CBX6: variants seen among roughly 807,000 people sequenced by gnomAD.
CBX6 encodes chromobox 6.
Under a neutral mutation model 28.4 loss-of-function variants are expected in CBX6, and 7 were observed. That is an observed-to-expected ratio of 0.25 (90% CI 0.14 to 0.46). The LOEUF is 0.46. Ranked by LOEUF, CBX6 falls within the 20% of genes least tolerant of loss-of-function variation. The pLI is 0.99. For missense variants in CBX6, 512 were observed against 606.1 expected (o/e 0.84, Z 1.63); for synonymous variants, 297 against 273.4 (o/e 1.09, Z -0.85).
rs2093181610 is a variant in CBX6, at chr22:38,871,322, T to A, written c.246+158A>T. On this transcript the variant is annotated intron_variant, in intron 4 of 4. Transcript: ENST00000407418. The surrounding 1 kb of genome is among the most constrained non-coding windows in gnomAD (Gnocchi z 5.6). ...TGGCTGAGGCCTGCCATCAGGGGCT[T>A]CTGGGGGGGCTCACAACCACCCCCT... 2 of 690,506 alleles carry A rather than the reference T, an allele frequency of 2.9e-6. No homozygotes were observed. Among genetic ancestry groups the A allele is most frequent in the Admixed American group, 4.9e-5 (2 of 40,614 alleles). 42.8% of individuals were successfully genotyped at this position (690,506 alleles called of 1,614,324 possible).
rs2093171989 is a variant in CBX6 at position 38,866,983 on chromosome 22, C to T, written c.465G>A (p.Glu155=). 1.2e-6 allele frequency: 2 copies of T among 1,608,734 alleles called. No homozygotes were observed. The highest frequency in any genetic ancestry group is 2.7e-5 in the African/African-American group (2 of 74,788). Residue 155 remains glutamate (E), a synonymous_variant, in exon 5 of 5, where the codon GAG becomes GAA. Coordinates refer to ENST00000407418, the MANE Select transcript of CBX6 (RefSeq NM_014292.5). The surrounding 1 kb of genome is among the most constrained non-coding windows in gnomAD (Gnocchi z 7.5). ...CCTTGCGGTTGATGATGCGCACCGT[C>T]TCCGAGAAGGGCGAAATGGGCGGGC... ...GLRPPISPFS[E]TVRIINRKVK... is the part of the protein sequence containing the mutation.
rs1179255859 is a variant in CBX6 at position 38,872,071 on chromosome 22, G to C, written c.69+51C>G. On this transcript the variant is annotated intron_variant, in intron 1 of 4. Coordinates refer to ENST00000407418, the MANE Select transcript of CBX6 (RefSeq NM_014292.5). The surrounding 1 kb of genome is among the most constrained non-coding windows in gnomAD (Gnocchi z 5.0). ...GACCGCTTCGCCCCGAGGGCCCCCGGCCCCGGCCCCGGCTGCGGACAGCGG... is the reference window on the plus strand; with the variant it reads ...GACCGCTTCGCCCCGAGGGCCCCCGCCCCCGGCCCCGGCTGCGGACAGCGG... 13 of 1,292,312 alleles carry C rather than the reference G, an allele frequency of 1.0e-5. No individual in the cohort carries two copies. The highest frequency in any genetic ancestry group is 1.3e-5 in the Non-Finnish European group (13 of 1,010,754). 80.1% of individuals were successfully genotyped at this position (1,292,312 alleles called of 1,614,324 possible).
chr22:38,866,378 T>C lies in CBX6; in HGVS notation c.1070A>G (p.Asp357Gly). 1 of 1,613,358 alleles carries C rather than the reference T, an allele frequency of 6.2e-7. No homozygotes were observed. Among genetic ancestry groups the C allele is most frequent in the African/African-American group, 1.3e-5 (1 of 74,996 alleles). ...GCAGGGTGACATCTCGGGGCGCCAG[T>C]CCCCAGCCTCGGGCTCGGAGGAGGC... is the stretch of plus-strand genomic sequence containing the variant. ...AGASSEPEAG[D>G]WRPEMSPCSN... The change falls in exon 5 of 5, where the codon GAC (aspartate) becomes GGC (glycine). Residue 357 changes from aspartate (D) to glycine (G), a missense_variant. Around this residue, in one of 7 missense-constraint regions of CBX6, gnomAD observed 290 missense variants for 274.1 expected, o/e 1.06. Transcript: ENST00000407418. This position sits in a 1 kb window ranked among gnomAD's most constrained non-coding sequence, Gnocchi z 7.5.
chr22:38,866,786 C>G lies in CBX6; in HGVS notation c.662G>C (p.Arg221Pro), dbSNP rs1310524692. Residue 221 changes from arginine to proline, a missense_variant, in exon 5 of 5, where the codon CGT (arginine) becomes CCT (proline). By Grantham distance (103) the Arg-to-Pro change is moderately radical. This residue lies in a region of CBX6 where 290 missense variants were observed against 274.1 expected (regional missense o/e 1.06). Transcript: ENST00000407418. The surrounding 1 kb of genome is among the most constrained non-coding windows in gnomAD (Gnocchi z 7.5). ...GAACTTCATGTGGCGGATCTGTGTA[C>G]GCAGGACGCTCTCGCTGAACTTCTT... ...KSKKFSESVL[R>P]TQIRHMKFGA... 9.9e-6 allele frequency: 16 copies of G among 1,612,490 alleles called. No individual in the cohort carries two copies. Among genetic ancestry groups the G allele is most frequent in the Non-Finnish European group, 1.4e-5 (16 of 1,179,408 alleles).
In CBX6 at chr22:38,861,808, T is replaced by TA. The variant is rs2093157859; in HGVS notation, c.*4400dup. On this transcript the variant is annotated 3_prime_UTR_variant, in exon 5 of 5. Transcript: ENST00000407418. ...CTGGGAGCTGGATGGTTGAACCACA[T>TA]ACAAAGGCAACAACACTTCATTTTA... 2 of 152,050 alleles carry TA rather than the reference T, an allele frequency of 1.3e-5. No individual in the cohort carries two copies. The highest frequency in any genetic ancestry group is 4.8e-5 in the African/African-American group (2 of 41,370). The allele number at this position is 152,050 out of a possible 1,614,324, so 9.4% of individuals were successfully genotyped here. A position where few individuals can be genotyped will look rare whatever the true frequency, so the allele number is the denominator to read the frequency against.
rs111458817 is a variant in CBX6, at chr22:38,862,746, C to T, written c.*3463G>A. The T allele has an allele frequency of 6.6e-6, 1 of 152,266 alleles. No individual in the cohort carries two copies. Among genetic ancestry groups the T allele is most frequent in the African/African-American group, 2.4e-5 (1 of 41,440 alleles). The allele number at this position is 152,266 out of a possible 1,614,324, so 9.4% of individuals were successfully genotyped here. A position where few individuals can be genotyped will look rare whatever the true frequency, so the allele number is the denominator to read the frequency against. ...CTCCAGCCTTGGGCGGGCCCACCGG[C>T]CTGGCTCTCCTCCAGGACCTCCTGG... On this transcript the variant is annotated 3_prime_UTR_variant, in exon 5 of 5. Coordinates refer to ENST00000407418, the MANE Select transcript of CBX6 (RefSeq NM_014292.5).
rs374680103 is a variant in CBX6, at chr22:38,871,721, G to A, written c.150C>T (p.Asp50=). Residue 50 remains aspartate, a synonymous_variant, in exon 3 of 5, where the codon GAC becomes GAT. Transcript: ENST00000407418. This position sits in a 1 kb window ranked among gnomAD's most constrained non-coding sequence, Gnocchi z 5.6. ...GTTCGAAGGCTGCAATGAGCCGCGA[G>A]TCCAGGATGTTCTCCTCGGGCTCCC... ...STWEPEENIL[D]SRLIAAFEQK... The A allele has an allele frequency of 2.2e-5, 35 of 1,612,910 alleles. No individual in the cohort carries two copies. The highest frequency in any genetic ancestry group is 3.0e-5 in the Non-Finnish European group (35 of 1,179,440).
At position 38,866,882 on chromosome 22, in the gene CBX6, C is replaced by A. The variant is rs775344575; in HGVS notation, c.566G>T (p.Gly189Val). ...CAGCGCCCCGGCCCCCTGCCCGGCG[C>A]CCCCGCCGCCAGCGCCCTTGTCGAT... is the stretch of plus-strand genomic sequence containing the variant. ...KVIDKGAGGGGAGQGAGALAR... is the reference protein window; with the variant it reads ...KVIDKGAGGGVAGQGAGALAR... Residue 189 changes from glycine to valine, a missense_variant, in exon 5 of 5, where the codon GGC becomes GTC. Transcript: ENST00000407418. The surrounding 1 kb of genome is among the most constrained non-coding windows in gnomAD (Gnocchi z 7.5). The A allele has an allele frequency of 6.3e-7, 1 of 1,597,094 alleles. No individual in the cohort carries two copies. The highest frequency in any genetic ancestry group is 8.5e-7 in the Non-Finnish European group (1 of 1,173,428).
chr22:38,869,890 G>A (rs891506349), intron 4 of CBX6: 4 of 152,150 alleles, frequency 2.6e-5, no homozygotes, highest in African/African-American at 4.8e-5. Context: ...GGCAGAAAGC[G>A]CTGAGTGTAA....
In CBX6 at chr22:38,862,840, C is replaced by G; in HGVS notation, c.*3369G>C. 1 of 152,274 alleles carries G rather than the reference C, an allele frequency of 6.6e-6. No homozygotes were observed. The highest frequency in any genetic ancestry group is 1.9e-4 in the East Asian group (1 of 5,198). 9.4% of individuals were successfully genotyped at this position (152,274 alleles called of 1,614,324 possible). Reference sequence around the variant, plus strand: ...GCCCTGCCTTTTAAAGGGCTTTTCCCCATAGGCCAAAGCATCCTGGGCCCC... The same window carrying G: ...GCCCTGCCTTTTAAAGGGCTTTTCCGCATAGGCCAAAGCATCCTGGGCCCC... On this transcript the variant is annotated 3_prime_UTR_variant, in exon 5 of 5. Transcript: ENST00000407418.
chr22:38,872,194 G>A lies in CBX6; in HGVS notation c.-4C>T, dbSNP rs1167689178. 2 of 1,395,946 alleles carry A rather than the reference G, an allele frequency of 1.4e-6. No homozygotes were observed. The highest frequency in any genetic ancestry group is 9.5e-7 in the Non-Finnish European group (1 of 1,055,694). 86.5% of individuals were successfully genotyped at this position (1,395,946 alleles called of 1,614,324 possible). ...CGCCCACTGCAGACAGCTCCATCTT[G>A]CTCAGCGGCACCCACAGCCCATAAT... On this transcript the variant is annotated 5_prime_UTR_variant, in exon 1 of 5. Transcript: ENST00000407418. This position sits in a 1 kb window ranked among gnomAD's most constrained non-coding sequence, Gnocchi z 5.0.
At position 38,866,570 on chromosome 22, in the gene CBX6, G is replaced by T. The variant is rs2093170330; in HGVS notation, c.878C>A (p.Pro293His). The T allele has an allele frequency of 6.3e-7, 1 of 1,577,004 alleles. No homozygotes were observed. Among genetic ancestry groups the T allele is most frequent in the East Asian group, 2.3e-5 (1 of 44,000 alleles). ...GCTCACGGTCTCGGGGAGGAGCTTGGGGGGCGTGTCGTCGGGGTCAGAGGA... is the reference window on the plus strand; with the variant it reads ...GCTCACGGTCTCGGGGAGGAGCTTGTGGGGCGTGTCGTCGGGGTCAGAGGA... ...PQSSDPDDTP[P>H]KLLPETVSPS... Residue 293 changes from proline to histidine, a missense_variant, in exon 5 of 5, where the codon CCC becomes CAC. By Grantham distance (77) the Pro-to-His change is moderately conservative. Transcript: ENST00000407418. The surrounding 1 kb of genome is among the most constrained non-coding windows in gnomAD (Gnocchi z 7.5).
At chr22:38,868,800 T>G (rs79473203) in intron 4 of CBX6, among the ~76,000 whole-genome samples, 1 of 152,086 alleles carries the variant, frequency 6.6e-6, no homozygotes, top group Admixed American at 6.5e-5. Context: ...CAGCATTGGA[T>G]GCTTAACTAG....
chr22:38,867,208 G>GC lies in CBX6; in HGVS notation c.247-8dup. 1.1e-6 allele frequency: 1 copy of GC among 874,580 alleles called. No homozygotes were observed. Among genetic ancestry groups the GC allele is most frequent in the South Asian group, 1.4e-5 (1 of 72,224 alleles). The allele number at this position is 874,580 out of a possible 1,614,324, so 54.2% of individuals were successfully genotyped here. A position where few individuals can be genotyped will look rare whatever the true frequency, so the allele number is the denominator to read the frequency against. On this transcript the variant is annotated splice_region_variant and splice_polypyrimidine_tract_variant and intron_variant, in intron 4 of 4. Coordinates refer to ENST00000407418, the MANE Select transcript of CBX6 (RefSeq NM_014292.5). ...CCTCGGCCTGGGCCCGCGCCTGCGG[G>GC]CAGAGGGAGGGGTGGGTGGGACCTC...
chr22:38,868,476 G>A (rs933088595), intron 4 of CBX6, among the ~76,000 whole-genome samples: 3 of 152,196 alleles, frequency 2.0e-5, no homozygotes, highest in Admixed American at 6.5e-5. Context: ...CAGAGGCTGC[G>A]GTGGCCTGCT....
chr22:38,863,996 G>A lies in CBX6; in HGVS notation c.*2213C>T, dbSNP rs735305. On this transcript the variant is annotated 3_prime_UTR_variant, in exon 5 of 5. Coordinates refer to ENST00000407418, the MANE Select transcript of CBX6 (RefSeq NM_014292.5). ...CTGCAGCTTGGGTTAGCTCCCGGGGGCCCGCTGTTGTCCTTCCCTTTGAGC... is the reference window on the plus strand; with the variant it reads ...CTGCAGCTTGGGTTAGCTCCCGGGGACCCGCTGTTGTCCTTCCCTTTGAGC... 0.84 allele frequency: 127,066 copies of A among 152,092 alleles called. 53,186 individuals are homozygous for A. The highest frequency in any genetic ancestry group is 0.88 in the African/African-American group (36,518 of 41,498). The allele number at this position is 152,092 out of a possible 1,614,324, so 9.4% of individuals were successfully genotyped here.
Position 38,872,205 on chromosome 22 carries a change from C to T in CBX6, c.-15G>A, listed in dbSNP as rs764098190. On this transcript the variant is annotated 5_prime_UTR_variant, in exon 1 of 5. It adds an upstream start codon to the 5' untranslated region. Coordinates refer to ENST00000407418, the MANE Select transcript of CBX6 (RefSeq NM_014292.5). This position sits in a 1 kb window ranked among gnomAD's most constrained non-coding sequence, Gnocchi z 5.0. ...GACAGCTCCATCTTGCTCAGCGGCA[C>T]CCACAGCCCATAATACTCCCTGCGC... is the stretch of plus-strand genomic sequence containing the variant. 1.4e-6 allele frequency: 2 copies of T among 1,381,562 alleles called. No individual in the cohort carries two copies. Among genetic ancestry groups the T allele is most frequent in the Non-Finnish European group, 1.9e-6 (2 of 1,047,152 alleles). 85.6% of individuals were successfully genotyped at this position (1,381,562 alleles called of 1,614,324 possible).
chr22:38,867,004 C>A lies in CBX6; in HGVS notation c.444G>T (p.Pro148=), dbSNP rs1351422537. The A allele has an allele frequency of 3.1e-6, 5 of 1,606,376 alleles. No individual in the cohort carries two copies. The East Asian group carries it at 1.1e-4, about 36-fold the overall frequency. Residue 148 remains proline, a synonymous_variant, in exon 5 of 5, where the codon CCG becomes CCT. Transcript: ENST00000407418. ...DPQGGSPGLR[P]PISPFSETVR... is the part of the protein sequence containing the mutation. ...CCGTCTCCGAGAAGGGCGAAATGGG[C>A]GGGCGCAGTCCGGGGCTGCCCCCCT...
chr22:38,867,894 C>T (rs1192822834), intron 4 of CBX6, among the ~76,000 whole-genome samples: 2 of 152,252 alleles, frequency 1.3e-5, no homozygotes, highest in Non-Finnish European at 2.9e-5. Context: ...GGAACCCAAC[C>T]CGGTCAGACG....
Sources: gnomAD v4.1 joint callset for allele counts (sites outside exome capture counted in the v4.1 genomes callset) on GRCh38, gnomAD v4.1.1 for gene constraint, gnomAD v4.1.1 regional missense constraint, Gnocchi (gnomAD v3.1) non-coding constraint, MANE v1.5 for transcripts, NCBI Gene and HGNC (gene_info 2026-07-23, HGNC 2026-07-21) for gene names.